Variants in CCDC14 observed in about 807,000 individuals in gnomAD.
The protein encoded by CCDC14 is coiled-coil domain-containing protein 14.
CCDC14 carries 71 observed loss-of-function variants against 81.4 expected under a neutral mutation model. That is an observed-to-expected ratio of 0.87 (90% CI 0.72 to 1.06). The LOEUF is 1.06. Among genes scored for constraint, CCDC14 ranks in the 50% least tolerant of loss-of-function variants. CCDC14 has a pLI of 0.00. For synonymous variants in CCDC14, 332 were observed against 364.8 expected, an observed-to-expected ratio of 0.91 and a Z score of 1.03; for missense variants, 1,046 against 1,047.3, an observed-to-expected ratio of 1.00 and a Z score of 0.02.
intron 12 of CCDC14, 28 bp from the exon 13 acceptor site, chr3:123,915,746 T>A: frequency 6.7e-7 from 1 of 1,482,334 alleles, no homozygotes; most frequent in South Asian, 1.3e-5. Flanking sequence ...GAACACTAAT[T>A]ATTATTTTTT....
At chr3:123,950,098 A>G (rs890224995) in intron 5 of CCDC14, among the ~76,000 whole-genome samples, 2 of 152,240 alleles carry the variant, frequency 1.3e-5, no homozygotes, top group Admixed American at 6.5e-5. Flanking sequence ...TAACAATCTG[A>G]ATACTATTTC....
intron 9 of CCDC14, among the ~76,000 whole-genome samples, chr3:123,934,360 T>C (rs945619910): frequency 1.3e-5 from 2 of 152,006 alleles, no homozygotes; most frequent in Non-Finnish European, 2.9e-5. Context: ...TTTTTTTCTA[T>C]TTCTTTCCTT....
chr3:123,901,374 A>G (rs1390753104), intron 5 of CCDC14, among the ~76,000 whole-genome samples: 1 of 152,228 alleles, frequency 6.6e-6, no homozygotes, highest in African/African-American at 2.4e-5. Context: ...CAGAATAAAT[A>G]ATTAATGATT....
chr3:123,940,440 T>G (rs1441272308), intron 9 of CCDC14, among the ~76,000 whole-genome samples: 2 of 152,034 alleles, frequency 1.3e-5, no homozygotes, highest in Non-Finnish European at 2.9e-5. Flanking sequence ...TTTTCTGAAG[T>G]TCTTTGAGTA....
At chr3:123,957,470 A>C (rs1340004699) in intron 1 of CCDC14, 1 of 152,074 alleles carries the variant, frequency 6.6e-6, no homozygotes, top group Non-Finnish European at 1.5e-5. Context: ...AGAATGCCTG[A>C]TTAGACCAGG....
chr3:123,915,936 A>G (rs1051046998), intron 12 of CCDC14, among the ~76,000 whole-genome samples: 1 of 151,998 alleles, frequency 6.6e-6, no homozygotes, highest in Non-Finnish European at 1.5e-5. Context: ...TATCGAATCT[A>G]TCACTATGTC....
downstream of CCDC14, among the ~76,000 whole-genome samples, chr3:123,909,620 C>A (rs560555744): frequency 6.6e-6 from 1 of 152,326 alleles, no homozygotes; most frequent in East Asian, 1.9e-4. Flanking sequence ...ATAGTACACA[C>A]ACATACATAC....
downstream of CCDC14, among the ~76,000 whole-genome samples, chr3:123,895,465 A>G (rs1274709549): frequency 1.3e-5 from 2 of 152,206 alleles, no homozygotes; most frequent in African/African-American, 4.8e-5. Context: ...GGCTGAGGCT[A>G]AAAGTCTGCT....
the CCDC14 span, among the ~76,000 whole-genome samples, chr3:123,885,217 C>G: frequency 1.3e-5 from 2 of 151,758 alleles, no homozygotes; most frequent in African/African-American, 4.8e-5. Flanking sequence ...AACATAAATA[C>G]AGAAAACCAC....
chr3:123,885,282 T>A, the CCDC14 span, among the ~76,000 whole-genome samples: 1 of 152,248 alleles, frequency 6.6e-6, no homozygotes, highest in African/African-American at 2.4e-5. Context: ...GGGAACATCC[T>A]TGTAATCACC....
At chr3:123,950,761 T>C (rs977361290) in intron 5 of CCDC14, among the ~76,000 whole-genome samples, 4 of 152,084 alleles carry the variant, frequency 2.6e-5, no homozygotes, top group Admixed American at 2.6e-4. Flanking sequence ...TTATGTACTT[T>C]AAAATTATTT....
intron 5 of CCDC14, among the ~76,000 whole-genome samples, chr3:123,903,364 G>T (rs1380980121): frequency 6.7e-6 from 1 of 150,032 alleles, no homozygotes; most frequent in Admixed American, 6.6e-5. Flanking sequence ...AGCATCTATT[G>T]CTTATTGCTG....
At chr3:123,886,497 A>G in the CCDC14 span, among the ~76,000 whole-genome samples, 1 of 152,114 alleles carries the variant, frequency 6.6e-6, no homozygotes, top group Non-Finnish European at 1.5e-5. Context: ...TCCCTGGTTC[A>G]AGGGATTCTC....
chr3:123,929,009 C>A (rs899821318), intron 12 of CCDC14, among the ~76,000 whole-genome samples: 6 of 152,086 alleles, frequency 3.9e-5, no homozygotes, highest in African/African-American at 1.4e-4. Flanking sequence ...TAAAAGATAT[C>A]AGCTTGTGAT....
rs1000861998 is a variant in CCDC14, at chr3:123,955,895, T to C, written c.300A>G (p.Lys100=). 1.3e-6 allele frequency: 2 copies of C among 1,539,194 alleles called. No homozygotes were observed. The highest frequency in any genetic ancestry group is 1.8e-6 in the Non-Finnish European group (2 of 1,139,462). The change falls in exon 5 of 13, where the codon AAA becomes AAG. Residue 100 remains lysine (K), a synonymous_variant. Transcript: ENST00000409697. ...TAGTATGTTTTTCATGTCTTTTCTT[T>C]TTTGATCCGTATCTTTTGCTTTCTA... ...RPLESKRYGS[K]KKRHEKHTIP...
intron 1 of CCDC14, chr3:123,958,250 C>T (rs1277866611): frequency 6.6e-6 from 1 of 152,096 alleles, no homozygotes. Flanking sequence ...AGCCATGACA[C>T]TATAATACTA....
chr3:123,890,868 C>G, the CCDC14 span, among the ~76,000 whole-genome samples: 2 of 152,354 alleles, frequency 1.3e-5, no homozygotes, highest in East Asian at 3.9e-4. Flanking sequence ...TCACATTTCC[C>G]TCCCACACTG....
Position 123,956,081 on chromosome 3 carries a change from G to A in CCDC14, c.194C>T (p.Ser65Phe), listed in dbSNP as rs1298961793. The A allele has an allele frequency of 5.8e-6, 9 of 1,544,804 alleles. No homozygotes were observed. The highest frequency in any genetic ancestry group is 7.9e-6 in the Non-Finnish European group (9 of 1,144,898). ...ETVHGLDGCA[S>F]LLRDILRNED... Reference sequence around the variant, plus strand: ...ATTTCTCAAAATGTCCCTCAGCAAAGAAGCACAACCATCAAGCCCGTGTAC... The same window carrying A: ...ATTTCTCAAAATGTCCCTCAGCAAAAAAGCACAACCATCAAGCCCGTGTAC... The change falls in exon 4 of 13, where the codon TCT (serine) becomes TTT (phenylalanine). Residue 65 changes from serine to phenylalanine, a missense_variant. By Grantham distance (155) the Ser-to-Phe change is radical (BLOSUM62 -2). Coordinates refer to ENST00000409697, the MANE Select transcript of CCDC14 (RefSeq NM_001366335.1).
intron 1 of CCDC14, chr3:123,958,339 T>G (rs1039968381): frequency 6.6e-6 from 1 of 152,130 alleles, no homozygotes; most frequent in Non-Finnish European, 1.5e-5. Flanking sequence ...AACTGTAAGA[T>G]TACATATGGT....
Sources: gnomAD v4.1 joint callset for allele counts (sites outside exome capture counted in the v4.1 genomes callset) on GRCh38, gnomAD v4.1.1 for gene constraint, MANE v1.5 for transcripts, NCBI Gene and HGNC (gene_info 2026-07-23, HGNC 2026-07-21) for gene names.